The following UGGT1 variants were observed in gnomAD, a reference collection of about 807,000 sequenced individuals.
The protein encoded by UGGT1 is UDP-glucose glycoprotein glucosyltransferase 1, also known as UDP-glucose:glycoprotein glucosyltransferase 1.
A neutral mutation model predicts 203.9 loss-of-function variants in UGGT1; 107 were observed. The observed-to-expected ratio is 0.52, with a 90% confidence interval of 0.45 to 0.62. UGGT1 has a LOEUF of 0.62. Ranked by LOEUF, UGGT1 falls within the 20% of genes least tolerant of loss-of-function variation. UGGT1 has a pLI of 0.00. For missense variants in UGGT1, 1,673 were observed against 1,867.2 expected, an observed-to-expected ratio of 0.90 and a Z score of 1.92; for synonymous variants, 628 against 653.5, an observed-to-expected ratio of 0.96 and a Z score of 0.59.
intron 3 of UGGT1, among the ~76,000 whole-genome samples, chr2:128,106,536 A>T (rs1687612549): frequency 6.6e-6 from 1 of 151,984 alleles, no homozygotes; most frequent in South Asian, 2.1e-4. Flanking sequence ...TAATATTTAT[A>T]TTTTGTTTTT....
intron 37 of UGGT1, among the ~76,000 whole-genome samples, chr2:128,182,940 A>G (rs1214441891): frequency 7.7e-6 from 1 of 129,716 alleles, no homozygotes; most frequent in Admixed American, 8.7e-5. Flanking sequence ...TTAATGTCAT[A>G]TACATCTTCT....
At chr2:128,186,399 C>T (rs1691983163) in intron 38 of UGGT1, among the ~76,000 whole-genome samples, 1 of 152,098 alleles carries the variant, frequency 6.6e-6, no homozygotes, top group South Asian at 2.1e-4. Flanking sequence ...CTAAGCTCAG[C>T]AGTTTGAGAC....
chr2:128,173,636 A>G, intron 29 of UGGT1, 145 bp from the exon 30 acceptor site: 1 of 1,004,544 alleles, frequency 1.0e-6, no homozygotes. Flanking sequence ...CTGTCATTAT[A>G]CTTTTGTCTT....
At chr2:128,174,706 A>G in intron 30 of UGGT1, 67 bp from the exon 31 acceptor site, 2 of 1,236,714 alleles carry the variant, frequency 1.6e-6, no homozygotes, top group Non-Finnish European at 2.3e-6. Context: ...AATAGAAGTA[A>G]CTGTTCCTCA....
intron 14 of UGGT1, among the ~76,000 whole-genome samples, chr2:128,133,501 A>G (rs1405507320): frequency 1.3e-5 from 2 of 152,150 alleles, no homozygotes; most frequent in East Asian, 3.8e-4. Context: ...CTCATTTTTA[A>G]CACGAAGGTT....
At chr2:128,147,083 A>G (rs62160069) in intron 18 of UGGT1, among the ~76,000 whole-genome samples, 20,420 of 152,194 alleles carry the variant, frequency 0.13, 1,770 homozygotes, top group Non-Finnish European at 0.19. Context: ...TTTACATCCC[A>G]GAAACTAGGG....
intron 10 of UGGT1, 107 bp downstream of exon 10, chr2:128,121,405 CTTTTTTTT>C (rs10636999): frequency 6.6e-6 from 3 of 452,722 alleles, no homozygotes; most frequent in African/African-American, 2.4e-5. Context: ...AATTAAGATT[CTTTTTTTT>C]TTTTTTTTTG....
chr2:128,129,041 G>A lies in UGGT1; in HGVS notation c.1239G>A (p.Val413=). The change falls in exon 13 of 41, where the codon GTG becomes GTA. Residue 413 remains valine, a synonymous_variant. Coordinates refer to ENST00000259253, the MANE Select transcript of UGGT1 (RefSeq NM_020120.4). ...DTQDIFSLFD[V]LRNEARVMEG... is the part of the protein sequence containing the mutation. ...TTTTTCCCCCCAGTCTGTTTGATGT[G>A]TTGAGGAATGAAGCTCGGGTAATGG... The A allele has an allele frequency of 6.2e-7, 1 of 1,606,478 alleles. No individual in the cohort carries two copies. Among genetic ancestry groups the A allele is most frequent in the Non-Finnish European group, 8.5e-7 (1 of 1,177,516 alleles).
In UGGT1 at chr2:128,091,268, A is replaced by C. The variant is rs1213912714; in HGVS notation, c.-90A>C. On this transcript the variant is annotated 5_prime_UTR_variant, in exon 1 of 41. Coordinates refer to ENST00000259253, the MANE Select transcript of UGGT1 (RefSeq NM_020120.4). Reference sequence around the variant, plus strand: ...CGGGAAAGGCGCGTGTCGGCCTCTCACTGGCGCAGCCTGCACTGCCGCTGC... The same window carrying C: ...CGGGAAAGGCGCGTGTCGGCCTCTCCCTGGCGCAGCCTGCACTGCCGCTGC... The C allele has an allele frequency of 7.4e-7, 1 of 1,354,544 alleles. No homozygotes were observed. Among genetic ancestry groups the C allele is most frequent in the African/African-American group, 1.5e-5 (1 of 65,560 alleles). 83.9% of individuals were successfully genotyped at this position (1,354,544 alleles called of 1,614,324 possible). A position where few individuals can be genotyped will look rare whatever the true frequency, so the allele number is the denominator to read the frequency against.
At chr2:128,128,423 T>C (rs1688711541) in intron 12 of UGGT1, among the ~76,000 whole-genome samples, 1 of 151,888 alleles carries the variant, frequency 6.6e-6, no homozygotes, top group African/African-American at 2.4e-5. Context: ...GAGATTCTCC[T>C]GCCTCACCCT....
At chr2:128,143,885 A>G (rs1042212175) in intron 17 of UGGT1, among the ~76,000 whole-genome samples, 1 of 151,856 alleles carries the variant, frequency 6.6e-6, no homozygotes, top group Non-Finnish European at 1.5e-5. Context: ...AATGGAATGG[A>G]TTCTTTTGAA....
chr2:128,112,015 G>A (rs1687879867), intron 5 of UGGT1, among the ~76,000 whole-genome samples: 1 of 151,544 alleles, frequency 6.6e-6, no homozygotes. Context: ...TCGTGCACCT[G>A]TAGTCCCTCC....
intron 31 of UGGT1, 53 bp from the exon 32 acceptor site, chr2:128,176,761 G>A: frequency 1.3e-6 from 2 of 1,528,936 alleles, no homozygotes; most frequent in Non-Finnish European, 1.8e-6. Context: ...GAGAGCATTT[G>A]CTGCCTTTTG....
chr2:128,091,989 C>T (rs760142988), intron 1 of UGGT1, among the ~76,000 whole-genome samples: 8 of 152,144 alleles, frequency 5.3e-5, no homozygotes, highest in Non-Finnish European at 1.2e-4. Flanking sequence ...CCAGAATCTG[C>T]AGTTGTTTTG....
intron 20 of UGGT1, 148 bp downstream of exon 20, chr2:128,155,735 CTATT>C (rs1690197513): frequency 1.3e-5 from 7 of 526,940 alleles, no homozygotes; most frequent in South Asian, 6.8e-5. Flanking sequence ...TAGAACATAT[CTATT>C]TAAAGTTTAA....
intron 2 of UGGT1, 45 bp downstream of exon 2, chr2:128,097,609 T>C (rs1456359481): frequency 1.2e-6 from 2 of 1,607,820 alleles, no homozygotes; most frequent in Admixed American, 1.7e-5. Flanking sequence ...AGTATAAATA[T>C]AGGCTCTGAC....
intron 13 of UGGT1, 44 bp from the exon 14 acceptor site, chr2:128,133,097 C>G: frequency 6.3e-7 from 1 of 1,598,174 alleles, no homozygotes. Flanking sequence ...GTTTTACTAA[C>G]TGGTTCCTAA....
At chr2:128,133,113 A>G (rs751767505) in intron 13 of UGGT1, 28 bp from the exon 14 acceptor site, 3 of 1,611,780 alleles carry the variant, frequency 1.9e-6, no homozygotes, top group Middle Eastern at 1.7e-4. Flanking sequence ...CCTAATGTGC[A>G]TGTATCCTGT....
rs532106191 is a variant in UGGT1, at chr2:128,154,915, C to A, written c.2138-574C>A. 2.0e-5 allele frequency among the ~76,000 whole-genome samples: 3 copies of A among 152,210 alleles called. No individual in the cohort carries two copies. The East Asian group carries it at 5.8e-4, about 29-fold the overall frequency. On this transcript the variant is annotated intron_variant, in intron 19 of 40. Transcript: ENST00000259253. ...AGAGCAAGAGAATGACTTGATGAAA[C>A]TGGAATTCTAGGAATAATAATTTGA...
Sources: gnomAD v4.1 joint callset for allele counts (sites outside exome capture counted in the v4.1 genomes callset) on GRCh38, gnomAD v4.1.1 for gene constraint, MANE v1.5 for transcripts, NCBI Gene and HGNC (gene_info 2026-07-23, HGNC 2026-07-21) for gene names.